The following TRAF7 variants were observed in gnomAD, a reference collection of about 807,000 sequenced individuals.
The protein encoded by TRAF7 is E3 ubiquitin-protein ligase TRAF7.
Under a neutral mutation model 89.3 loss-of-function variants are expected in TRAF7, and 45 were observed. That is an observed-to-expected ratio of 0.50 (90% confidence interval 0.40 to 0.65). TRAF7 has a LOEUF of 0.65. TRAF7 is among the 30% of genes least tolerant of loss of function. The pLI, the probability that TRAF7 is intolerant of heterozygous loss-of-function variation, is 0.00. For missense variants in TRAF7, 677 were observed against 918.1 expected (o/e 0.74, Z 3.39); for synonymous variants, 406 against 369.2 (o/e 1.10, Z -1.14).
chr16:2,171,517 A>T lies in TRAF7; in HGVS notation c.442-55A>T, dbSNP rs1243750945. On this transcript the variant is annotated intron_variant, in intron 6 of 20. Transcript: ENST00000326181. ...AGGCCTGTGGCTGCCATGGCCATGGACTAGGGAAAAAGAGGACCCTGCGCC... is the reference window on the plus strand; with the variant it reads ...AGGCCTGTGGCTGCCATGGCCATGGTCTAGGGAAAAAGAGGACCCTGCGCC... The T allele has an allele frequency of 4.3e-6, 7 of 1,611,354 alleles. No homozygotes were observed. In the African/African-American group the frequency reaches 9.4e-5, roughly 22 times the overall value.
chr16:2,173,155 AG>A (rs751014374), intron 9 of TRAF7, 26 bp from the exon 10 acceptor site: 1 of 1,589,576 alleles, frequency 6.3e-7, no homozygotes, highest in South Asian at 1.1e-5. Context: ...GGGACCCGCC[AG>A]GCAGGCAGCT....
intron 2 of TRAF7, 29 bp from the exon 3 acceptor site, chr16:2,165,850 A>G (rs2093084430): frequency 2.5e-6 from 4 of 1,613,682 alleles, no homozygotes; most frequent in Non-Finnish European, 2.5e-6. Context: ...TCCCGGAATG[A>G]GGCCAGGTCT....
chr16:2,164,029 A>ACATCCCCAGGACCCCCAGCATGCCC (rs2093068044), intron 2 of TRAF7, 28 bp downstream of exon 2: 1 of 1,586,156 alleles, frequency 6.3e-7, no homozygotes, highest in African/African-American at 1.3e-5. Context: ...TGCAAGCCCA[A>ACATCCCCAGGACCCCCAGCATGCCC]CATCCCCAGG....
In TRAF7 at chr16:2,177,075, C is replaced by A; in HGVS notation, c.*501C>A. ...TGGACCCCAGGACTTCGGCCCACTC[C>A]GGGGCCTCCCCTCCCTGCTAGGAGG... On this transcript the variant is annotated 3_prime_UTR_variant, in exon 21 of 21. Coordinates refer to ENST00000326181, the MANE Select transcript of TRAF7 (RefSeq NM_032271.3). 1 of 283,014 alleles carries A rather than the reference C, an allele frequency of 3.5e-6. No individual in the cohort carries two copies. Among genetic ancestry groups the A allele is most frequent in the South Asian group, 8.3e-5 (1 of 12,070 alleles). 17.5% of individuals were successfully genotyped at this position (283,014 alleles called of 1,614,324 possible).
At chr16:2,164,726 G>T (rs1315263338) in intron 2 of TRAF7, among the ~76,000 whole-genome samples, 1 of 136,132 alleles carries the variant, frequency 7.3e-6, no homozygotes, top group African/African-American at 2.8e-5. Flanking sequence ...CGGCCTGGTC[G>T]CATGGTTAAG....
In TRAF7 at chr16:2,173,361, A is replaced by G. The variant is rs371429918; in HGVS notation, c.974A>G (p.Lys325Arg). ...TCCATGCTGGGAAAGCTCTCGGAGA[A>G]GATCGACCAGCTAGAGAAGAGCCTG... is the stretch of plus-strand genomic sequence containing the variant. ...LRSMLGKLSE[K>R]IDQLEKSLEL... is the part of the protein sequence containing the mutation. The change falls in exon 10 of 21, where the codon AAG becomes AGG. Residue 325 changes from lysine (K) to arginine (R), a missense_variant. This residue lies in a region of TRAF7 where 238 missense variants were observed against 352.6 expected (regional missense o/e 0.67). Transcript: ENST00000326181. 6 of 1,613,468 alleles carry G rather than the reference A, an allele frequency of 3.7e-6. No individual in the cohort carries two copies. Among genetic ancestry groups the G allele is most frequent in the Non-Finnish European group, 5.1e-6 (6 of 1,180,022 alleles).
At chr16:2,157,600 G>C (rs756490210) in intron 1 of TRAF7, among the ~76,000 whole-genome samples, 4 of 152,146 alleles carry the variant, frequency 2.6e-5, no homozygotes, top group Non-Finnish European at 5.9e-5. Flanking sequence ...CCCGCATGGG[G>C]CCTGGCACCC....
At chr16:2,172,397 C>T (rs2093115827) in intron 8 of TRAF7, 23 bp downstream of exon 8, 7 of 1,611,224 alleles carry the variant, frequency 4.3e-6, no homozygotes, top group East Asian at 2.2e-5. Flanking sequence ...CCCTGGGCAC[C>T]TCTGCCTCCC....
Position 2,158,483 on chromosome 16 carries a change from T to C in TRAF7, c.-39+2625T>C. ...TGACCCAACCCCAGAAGCACCCAGGTGGGAAGTAGGGGGCAGCGACGCAGA... is the reference window on the plus strand; with the variant it reads ...TGACCCAACCCCAGAAGCACCCAGGCGGGAAGTAGGGGGCAGCGACGCAGA... On this transcript the variant is annotated intron_variant, in intron 1 of 20. Transcript: ENST00000326181. This position sits in a 1 kb window ranked among gnomAD's most constrained non-coding sequence, Gnocchi z 4.7. 6.6e-6 allele frequency among the ~76,000 whole-genome samples: 1 copy of C among 151,422 alleles called. No individual in the cohort carries two copies. Among genetic ancestry groups the C allele is most frequent in the Non-Finnish European group, 1.5e-5 (1 of 67,780 alleles).
At chr16:2,165,842 C>G (rs553132217) in intron 2 of TRAF7, 37 bp from the exon 3 acceptor site, 12 of 1,613,400 alleles carry the variant, frequency 7.4e-6, no homozygotes, top group Middle Eastern at 1.7e-4. Context: ...TCCTTGTGTC[C>G]CGGAATGAGG....
In TRAF7 at chr16:2,171,155, C is replaced by T. The variant is rs533274537; in HGVS notation, c.349-109C>T. On this transcript the variant is annotated intron_variant, in intron 5 of 20. Transcript: ENST00000326181. ...AGCAGGCCTCTCTCAGGACGTGACC[C>T]TGTCCTCAGAGGACAGCCAGGCCTG... The T allele has an allele frequency of 1.1e-3, 975 of 869,376 alleles. 2 individuals are homozygous for T. Among genetic ancestry groups the T allele is most frequent in the Middle Eastern group, 2.6e-3 (9 of 3,456 alleles). The allele number at this position is 869,376 out of a possible 1,614,324, so 53.9% of individuals were successfully genotyped here.
At chr16:2,165,340 C>T (rs879237602) in intron 2 of TRAF7, among the ~76,000 whole-genome samples, 17 of 139,902 alleles carry the variant, frequency 1.2e-4, no homozygotes, top group African/African-American at 3.9e-4. Flanking sequence ...GCGGCCTGGT[C>T]GCATGGTTAA....
Position 2,177,320 on chromosome 16 carries a change from C to T in TRAF7, c.*746C>T, listed in dbSNP as rs889405425. 1.2e-4 allele frequency: 29 copies of T among 234,504 alleles called. No individual in the cohort carries two copies. The highest frequency in any genetic ancestry group is 3.6e-4 in the South Asian group (2 of 5,626). 14.5% of individuals were successfully genotyped at this position (234,504 alleles called of 1,614,324 possible). On this transcript the variant is annotated 3_prime_UTR_variant, in exon 21 of 21. Transcript: ENST00000326181. ...GGGCACGTCCACTCGCAGGGAAACA[C>T]GGGGTGAGACAGCAGGAAGGGGCCC...
chr16:2,171,767 G>T (rs1465717167), intron 7 of TRAF7, among the ~76,000 whole-genome samples, 162 bp downstream of exon 7: 1 of 152,208 alleles, frequency 6.6e-6, no homozygotes, highest in East Asian at 1.9e-4. Context: ...TCAGGCTGAG[G>T]CTCGGGACCT....
chr16:2,157,845 G>C (rs541491446), intron 1 of TRAF7, among the ~76,000 whole-genome samples: 1 of 152,308 alleles, frequency 6.6e-6, no homozygotes, highest in East Asian at 1.9e-4. Context: ...GGCACAGCCT[G>C]CTGGCTGTGT....
Position 2,177,545 on chromosome 16 carries a change from G to T in TRAF7, c.*971G>T, listed in dbSNP as rs961930711. 6.8e-5 allele frequency: 16 copies of T among 234,404 alleles called. No homozygotes were observed. Among genetic ancestry groups the T allele is most frequent in the Non-Finnish European group, 1.1e-4 (13 of 118,880 alleles). 14.5% of individuals were successfully genotyped at this position (234,404 alleles called of 1,614,324 possible). ...AGAGAGGAAAAGGGAGGGCGAGAAT[G>T]ACCACACAACACAGCCTTGGACCAT... On this transcript the variant is annotated 3_prime_UTR_variant, in exon 21 of 21. Coordinates refer to ENST00000326181, the MANE Select transcript of TRAF7 (RefSeq NM_032271.3).
chr16:2,170,696 C>G lies in TRAF7; in HGVS notation c.314C>G (p.Ser105Cys), dbSNP rs751019115. ...TCAGAGTCCAGCATGTCTCTGCGCT[C>G]CACATTCTCACTGCCCGAGGAGGAG... ...LHSESSMSLR[S>C]TFSLPEEEEE... Residue 105 changes from serine to cysteine, a missense_variant, in exon 5 of 21, where the codon TCC (serine) becomes TGC (cysteine). Physicochemically the swap from Ser to Cys is moderately radical, Grantham distance 112. Coordinates refer to ENST00000326181, the MANE Select transcript of TRAF7 (RefSeq NM_032271.3). 1.0e-5 allele frequency: 16 copies of G among 1,607,494 alleles called. No homozygotes were observed. The Admixed American group carries it at 2.5e-4, about 25-fold the overall frequency.
Position 2,159,204 on chromosome 16 carries a change from G to C in TRAF7, c.-39+3346G>C, listed in dbSNP as rs2093047844. 6.6e-6 allele frequency among the ~76,000 whole-genome samples: 1 copy of C among 152,198 alleles called. No individual in the cohort carries two copies. Among genetic ancestry groups the C allele is most frequent in the African/African-American group, 2.4e-5 (1 of 41,430 alleles). Reference sequence around the variant, plus strand: ...AGGGCAAGACAGGCCTGGAGGCTGAGTGGATGCAGTAGGAGCAGAGCTGGG... The same window carrying C: ...AGGGCAAGACAGGCCTGGAGGCTGACTGGATGCAGTAGGAGCAGAGCTGGG... On this transcript the variant is annotated intron_variant, in intron 1 of 20. Coordinates refer to ENST00000326181, the MANE Select transcript of TRAF7 (RefSeq NM_032271.3). The surrounding 1 kb of genome is among the most constrained non-coding windows in gnomAD (Gnocchi z 6.5).
intron 2 of TRAF7, among the ~76,000 whole-genome samples, chr16:2,164,838 G>A (rs576220491): frequency 1.0e-4 from 5 of 48,210 alleles, no homozygotes; most frequent in African/African-American, 4.1e-4. Flanking sequence ...GCTGTGTGGC[G>A]CAGCCTGGTC....
Sources: gnomAD v4.1 joint callset for allele counts (sites outside exome capture counted in the v4.1 genomes callset) on GRCh38, gnomAD v4.1.1 for gene constraint, gnomAD v4.1.1 regional missense constraint, Gnocchi (gnomAD v3.1) non-coding constraint, MANE v1.5 for transcripts, NCBI Gene and HGNC (gene_info 2026-07-23, HGNC 2026-07-21) for gene names.